NPTN: variants seen among roughly 807,000 people sequenced by gnomAD.
NPTN encodes neuroplastin.
NPTN carries 5 observed loss-of-function variants against 42.7 expected under a neutral mutation model. That is an observed-to-expected ratio of 0.12 (90% confidence interval 0.06 to 0.25). NPTN has a LOEUF of 0.25. Among genes scored for constraint, NPTN ranks in the 10% least tolerant of loss-of-function variants. The pLI is 1.00. For missense variants in NPTN, 307 were observed against 525.4 expected (o/e 0.58, Z 4.06); for synonymous variants, 180 against 201.9 (o/e 0.89, Z 0.92).
chr15:73,565,366 A>C (rs932446316), intron 6 of NPTN, among the ~76,000 whole-genome samples: 2 of 152,260 alleles, frequency 1.3e-5, no homozygotes, highest in African/African-American at 4.8e-5. Context: ...ACAGAATTAC[A>C]GAAAAAAGAT....
chr15:73,625,450 C>T (rs374917979), intron 1 of NPTN, among the ~76,000 whole-genome samples: 3 of 151,946 alleles, frequency 2.0e-5, no homozygotes, highest in African/African-American at 7.3e-5. Context: ...TCTCCTGCCT[C>T]AGCCCCGAGT....
At chr15:73,568,545 T>C in intron 6 of NPTN, 1 of 985,336 alleles carries the variant, frequency 1.0e-6, no homozygotes, top group Non-Finnish European at 1.2e-6. Context: ...TAAATAAAGG[T>C]GCACTCTTGC....
At chr15:73,568,074 C>CCCCCAT in intron 6 of NPTN, 1 of 985,458 alleles carries the variant, frequency 1.0e-6, no homozygotes, top group African/African-American at 1.7e-5. Flanking sequence ...ACAAACTGGT[C>CCCCCAT]CCCCATTTGA....
At chr15:73,615,098 G>C (rs2306464) in intron 1 of NPTN, among the ~76,000 whole-genome samples, 2,132 of 151,214 alleles carry the variant, frequency 0.014, 24 homozygotes, top group East Asian at 0.054. Context: ...GTCTAAAAGA[G>C]ATGGATGTTC....
At chr15:73,612,508 C>T (rs1381638015) in intron 1 of NPTN, among the ~76,000 whole-genome samples, 1 of 151,910 alleles carries the variant, frequency 6.6e-6, no homozygotes, top group Non-Finnish European at 1.5e-5. Flanking sequence ...TGGCTCATGC[C>T]TATAATCCCA....
At chr15:73,590,749 G>A (rs530112562) in intron 3 of NPTN, among the ~76,000 whole-genome samples, 6 of 152,052 alleles carry the variant, frequency 3.9e-5, no homozygotes, top group Non-Finnish European at 7.4e-5. Context: ...GAGGCAGAAC[G>A]AGACCCTGTC....
chr15:73,583,797 C>CT (rs1380937605), intron 4 of NPTN, among the ~76,000 whole-genome samples: 2 of 152,220 alleles, frequency 1.3e-5, no homozygotes, highest in African/African-American at 4.8e-5. Context: ...CCTTTCCTGA[C>CT]TGTCAGTGAA....
rs1034046886 is a variant in NPTN at position 73,560,445 on chromosome 15, T to A, written c.*618A>T. On this transcript the variant is annotated 3_prime_UTR_variant, in exon 9 of 9. Transcript: ENST00000345330. Reference sequence around the variant, plus strand: ...CCATTCAGTGGACTGTTCCAGCTTATTAAAGTCACAGGTTAAGCCCTTAAA... The same window carrying A: ...CCATTCAGTGGACTGTTCCAGCTTAATAAAGTCACAGGTTAAGCCCTTAAA... The A allele has an allele frequency of 6.6e-6, 1 of 152,650 alleles. No homozygotes were observed. Among genetic ancestry groups the A allele is most frequent in the Non-Finnish European group, 1.5e-5 (1 of 68,102 alleles). 9.5% of individuals were successfully genotyped at this position (152,650 alleles called of 1,614,324 possible). A position where few individuals can be genotyped will look rare whatever the true frequency, so the allele number is the denominator to read the frequency against.
chr15:73,575,953 A>C (rs1380996368), intron 4 of NPTN, among the ~76,000 whole-genome samples: 1 of 152,180 alleles, frequency 6.6e-6, no homozygotes, highest in East Asian at 1.9e-4. Context: ...AAAGTTTCTT[A>C]CTACAGAAGG....
intron 6 of NPTN, among the ~76,000 whole-genome samples, chr15:73,564,318 C>T (rs1414271253): frequency 1.3e-5 from 2 of 152,108 alleles, no homozygotes; most frequent in East Asian, 3.9e-4. Flanking sequence ...GCTTGGTGCA[C>T]ATGAAGCAGT....
chr15:73,627,233 C>CT (rs928383714), intron 1 of NPTN, among the ~76,000 whole-genome samples: 52 of 151,982 alleles, frequency 3.4e-4, no homozygotes, highest in Non-Finnish European at 1.0e-4. Flanking sequence ...AAGACTCCAT[C>CT]TTTAAAAAAA....
In NPTN at chr15:73,601,978, G is replaced by A. The variant is rs180954255; in HGVS notation, c.92-4609C>T. ...ATGACAGCTGGGACTAGCAGCCGGA[G>A]AAAAGGAGGAGCTTGCTGGCAGGAA... On this transcript the variant is annotated intron_variant, in intron 1 of 8. Transcript: ENST00000345330. Among the ~76,000 whole-genome samples the A allele has an allele frequency of 5.3e-5, 8 of 152,274 alleles. No homozygotes were observed. The East Asian group carries it at 1.3e-3, about 26-fold the overall frequency.
At chr15:73,604,694 G>C (rs1287292541) in intron 1 of NPTN, among the ~76,000 whole-genome samples, 1 of 152,046 alleles carries the variant, frequency 6.6e-6, no homozygotes, top group African/African-American at 2.4e-5. Flanking sequence ...TGAAAAATGG[G>C]GACAATGATT....
At chr15:73,598,180 TA>T (rs1172972557) in intron 1 of NPTN, among the ~76,000 whole-genome samples, 9 of 152,252 alleles carry the variant, frequency 5.9e-5, no homozygotes, top group African/African-American at 1.9e-4. Flanking sequence ...CACTGCCAGC[TA>T]ATGGAGGGAC....
At chr15:73,580,459 C>T (rs1407872450) in intron 4 of NPTN, among the ~76,000 whole-genome samples, 1,965 of 125,406 alleles carry the variant, frequency 0.016, 126 homozygotes, top group African/African-American at 0.06. Flanking sequence ...TGTATATATA[C>T]AAAATATATT....
intron 4 of NPTN, among the ~76,000 whole-genome samples, chr15:73,586,542 A>G (rs1896327593): frequency 6.6e-6 from 1 of 152,184 alleles, no homozygotes; most frequent in Non-Finnish European, 1.5e-5. Flanking sequence ...ACACCATATA[A>G]TGGAAACTTT....
intron 1 of NPTN, among the ~76,000 whole-genome samples, chr15:73,631,501 G>A (rs1898742139): frequency 6.6e-6 from 1 of 152,128 alleles, no homozygotes; most frequent in South Asian, 2.1e-4. Flanking sequence ...TTAACTGATG[G>A]ATATTGTCAA....
intron 3 of NPTN, among the ~76,000 whole-genome samples, chr15:73,588,356 T>C (rs1402811999): frequency 6.6e-6 from 1 of 152,252 alleles, no homozygotes; most frequent in Non-Finnish European, 1.5e-5. Context: ...TTGGTAGTTC[T>C]GTTCTTCCTA....
At chr15:73,578,043 G>A (rs1031093280) in intron 4 of NPTN, among the ~76,000 whole-genome samples, 1 of 152,162 alleles carries the variant, frequency 6.6e-6, no homozygotes, top group Admixed American at 6.5e-5. Context: ...AAGGTCTTGA[G>A]GTAGGATTGT....
Sources: gnomAD v4.1 joint callset for allele counts (sites outside exome capture counted in the v4.1 genomes callset) on GRCh38, gnomAD v4.1.1 for gene constraint, MANE v1.5 for transcripts, NCBI Gene and HGNC (gene_info 2026-07-23, HGNC 2026-07-21) for gene names.